PARP16: variants seen among roughly 807,000 people sequenced by gnomAD.
PARP16 encodes protein mono-ADP-ribosyltransferase PARP16.
In PARP16, 31 loss-of-function variants were observed where a neutral mutation model predicts 35.0. The observed-to-expected ratio is 0.88, with a 90% confidence interval of 0.66 to 1.19. The LOEUF is 1.19. Among genes scored for constraint, PARP16 ranks in the 50% most tolerant of loss-of-function variants. The probability of loss-of-function intolerance (pLI) is 0.00; values close to 1 mark genes in which losing one functional copy is unlikely to be tolerated. For synonymous variants in PARP16, 162 were observed against 169.5 expected, an observed-to-expected ratio of 0.96 and a Z score of 0.34; for missense variants, 424 against 411.2, an observed-to-expected ratio of 1.03 and a Z score of -0.27.
chr15:65,265,645 G>A (rs1567025262), intron 3 of PARP16, among the ~76,000 whole-genome samples: 1 of 152,186 alleles, frequency 6.6e-6, no homozygotes, highest in Admixed American at 6.5e-5. Context: ...GGTCCCCAAG[G>A]AAAGTGCTTC....
downstream of PARP16, among the ~76,000 whole-genome samples, chr15:65,255,511 A>AG (rs1280442299): frequency 6.6e-6 from 1 of 151,972 alleles, no homozygotes; most frequent in Non-Finnish European, 1.5e-5. Context: ...GCCCTGCCCT[A>AG]GTCTTCCCTC....
At chr15:65,284,790 C>T (rs969120548) in intron 1 of PARP16, among the ~76,000 whole-genome samples, 1 of 148,666 alleles carries the variant, frequency 6.7e-6, no homozygotes, top group Non-Finnish European at 1.5e-5. Context: ...GAGGGAAAAT[C>T]CTTGACTACT....
chr15:65,240,355 T>C (rs1567008578), intron 3 of PARP16, among the ~76,000 whole-genome samples: 1 of 148,962 alleles, frequency 6.7e-6, no homozygotes, highest in East Asian at 2.0e-4. Flanking sequence ...TGTGTGTGTG[T>C]GTGTGTGTTG....
intron 1 of PARP16, among the ~76,000 whole-genome samples, chr15:65,280,595 A>G (rs2090392596): frequency 6.6e-6 from 1 of 152,172 alleles, no homozygotes; most frequent in Non-Finnish European, 1.5e-5. Flanking sequence ...AAGAAACCCA[A>G]AAGAAGGACT....
At chr15:65,284,963 G>A (rs1428262383) in intron 1 of PARP16, among the ~76,000 whole-genome samples, 3 of 151,536 alleles carry the variant, frequency 2.0e-5, no homozygotes, top group African/African-American at 7.3e-5. Flanking sequence ...GACTACAGGC[G>A]TGCATCACCA....
At chr15:65,264,565 T>C (rs2089832983) in intron 3 of PARP16, among the ~76,000 whole-genome samples, 1 of 152,212 alleles carries the variant, frequency 6.6e-6, no homozygotes, top group Non-Finnish European at 1.5e-5. Context: ...TTTGGGAAGC[T>C]CTTTGCCAAG....
At chr15:65,236,971 C>CA (rs1161870802) in intron 3 of PARP16, among the ~76,000 whole-genome samples, 1,816 of 51,472 alleles carry the variant, frequency 0.035, 41 homozygotes, top group African/African-American at 0.099. Context: ...GACTCTGTCT[C>CA]AAAAAAAAAA....
intron 1 of PARP16, among the ~76,000 whole-genome samples, chr15:65,276,391 C>T (rs750486751): frequency 6.6e-6 from 1 of 151,854 alleles, no homozygotes. Flanking sequence ...TTTTTAAAGA[C>T]GGGATGGGGT....
chr15:65,285,913 G>A (rs2090579222), intron 1 of PARP16, among the ~76,000 whole-genome samples: 1 of 152,182 alleles, frequency 6.6e-6, no homozygotes, highest in South Asian at 2.1e-4. Context: ...TAACTTTCTA[G>A]CTAAGCAAAA....
At chr15:65,236,510 T>G (rs2088881702) in intron 3 of PARP16, among the ~76,000 whole-genome samples, 1 of 152,206 alleles carries the variant, frequency 6.6e-6, no homozygotes, top group South Asian at 2.1e-4. Flanking sequence ...GCTGAGGGGA[T>G]ACCAGGCCAA....
At chr15:65,254,915 G>A (rs1001509923), downstream of PARP16, among the ~76,000 whole-genome samples, 1 of 152,084 alleles carries the variant, frequency 6.6e-6, no homozygotes, top group African/African-American at 2.4e-5. Context: ...CTCCCATAGA[G>A]TAAAACTCTT....
chr15:65,238,985 G>T (rs1254727012), intron 3 of PARP16, among the ~76,000 whole-genome samples: 1 of 152,062 alleles, frequency 6.6e-6, no homozygotes, highest in Non-Finnish European at 1.5e-5. Flanking sequence ...AAACCAATTA[G>T]CCAGGTATGA....
intron 3 of PARP16, among the ~76,000 whole-genome samples, chr15:65,245,326 A>G (rs1429358154): frequency 6.6e-6 from 1 of 152,194 alleles, no homozygotes; most frequent in Non-Finnish European, 1.5e-5. Flanking sequence ...GACAGGCGGT[A>G]GGACACGTTG....
At chr15:65,267,567 A>T (rs1001535168) in intron 2 of PARP16, among the ~76,000 whole-genome samples, 2 of 143,510 alleles carry the variant, frequency 1.4e-5, no homozygotes, top group Non-Finnish European at 3.1e-5. Flanking sequence ...AGATGGCGCC[A>T]CTGCACTCCA....
chr15:65,233,392 A>C (rs1383712698), downstream of PARP16, among the ~76,000 whole-genome samples: 3 of 152,022 alleles, frequency 2.0e-5, no homozygotes, highest in African/African-American at 7.3e-5. Context: ...ACAGATCGAG[A>C]CTCCGTCTCA....
chr15:65,277,274 C>T (rs891744920), intron 1 of PARP16, among the ~76,000 whole-genome samples: 1 of 152,162 alleles, frequency 6.6e-6, no homozygotes, highest in African/African-American at 2.4e-5. Flanking sequence ...CCCTGACCAC[C>T]TACAACCTCT....
At chr15:65,235,424 A>C (rs1277058623) in intron 3 of PARP16, among the ~76,000 whole-genome samples, 1 of 152,162 alleles carries the variant, frequency 6.6e-6, no homozygotes, top group Non-Finnish European at 1.5e-5. Flanking sequence ...TTTCTGTCAC[A>C]TTCTGTTAAT....
At position 65,259,383 on chromosome 15, in the gene PARP16, GC is replaced by G. The variant is rs1409454862; in HGVS notation, c.*23del. 1 of 1,613,272 alleles carries G rather than the reference GC, an allele frequency of 6.2e-7. No individual in the cohort carries two copies. Among genetic ancestry groups the G allele is most frequent in the East Asian group, 2.2e-5 (1 of 44,864 alleles). ...TACCATAAGGCACATAGTTGAGGTA[GC>G]CCCCACACCAGGCCCAGAAAGATTA... On this transcript the variant is annotated 3_prime_UTR_variant, in exon 6 of 6. Transcript: ENST00000649807.
intron 5 of PARP16, among the ~76,000 whole-genome samples, chr15:65,260,126 GGGTCGGGAGGAGACTTTACT>G (rs2089655358): frequency 6.6e-6 from 1 of 152,110 alleles, no homozygotes; most frequent in Non-Finnish European, 1.5e-5. Context: ...ATTTGGACAG[GGGTCGGGAGGAGACTTTACT>G]GGTTTATGAA....
Sources: gnomAD v4.1 joint callset for allele counts (sites outside exome capture counted in the v4.1 genomes callset) on GRCh38, gnomAD v4.1.1 for gene constraint, MANE v1.5 for transcripts, NCBI Gene and HGNC (gene_info 2026-07-23, HGNC 2026-07-21) for gene names.